SPAG16: variants seen among roughly 807,000 people sequenced by gnomAD.
SPAG16 encodes the protein sperm associated antigen 16.
SPAG16 carries 86 observed loss-of-function variants against 80.4 expected under a neutral mutation model. The ratio of observed to expected loss-of-function variants is 1.07; its 90% CI spans 0.90 to 1.28. The LOEUF is 1.28. SPAG16 is among the 50% of genes most tolerant of loss of function. The pLI is 0.00. For missense variants in SPAG16, 870 were observed against 765.3 expected (o/e 1.14, Z -1.61); for synonymous variants, 294 against 265.9 (o/e 1.11, Z -1.03).
intron 13 of SPAG16, among the ~76,000 whole-genome samples, chr2:214,022,685 G>A (rs149607067): frequency 6.7e-6 from 1 of 149,238 alleles, no homozygotes; most frequent in Non-Finnish European, 1.5e-5. Flanking sequence ...AACAATGGAG[G>A]GTGAAAAAGA....
chr2:213,602,620 G>A (rs185728763), intron 10 of SPAG16, among the ~76,000 whole-genome samples: 2 of 152,192 alleles, frequency 1.3e-5, no homozygotes, highest in African/African-American at 2.4e-5. Flanking sequence ...GCAACAGAGC[G>A]AGACTCCGTC....
intron 13 of SPAG16, among the ~76,000 whole-genome samples, chr2:214,034,056 A>AT (rs34044655): frequency 0.072 from 10,974 of 152,240 alleles, 642 homozygotes; most frequent in East Asian, 0.29. Flanking sequence ...TGATATTGAC[A>AT]TTTTGGAAAA....
intron 14 of SPAG16, among the ~76,000 whole-genome samples, chr2:214,121,547 A>G (rs1020013396): frequency 6.6e-6 from 1 of 151,888 alleles, no homozygotes; most frequent in African/African-American, 2.4e-5. Flanking sequence ...AAAATGAGTG[A>G]CAAAAGAACA....
intron 10 of SPAG16, among the ~76,000 whole-genome samples, chr2:213,560,951 C>A (rs1235364150): frequency 6.6e-6 from 1 of 152,176 alleles, no homozygotes; most frequent in Admixed American, 6.5e-5. Flanking sequence ...GCAACCTCTG[C>A]ATTCCAGGTT....
chr2:213,617,487 G>A (rs191810747), intron 10 of SPAG16, among the ~76,000 whole-genome samples: 49 of 152,152 alleles, frequency 3.2e-4, no homozygotes, highest in Admixed American at 1.2e-3. Flanking sequence ...GATTACAGGC[G>A]CCCACCACCA....
intron 9 of SPAG16, among the ~76,000 whole-genome samples, chr2:213,415,583 A>G (rs12473341): frequency 2.6e-5 from 4 of 152,056 alleles, no homozygotes; most frequent in African/African-American, 4.8e-5. Context: ...TTATGGGGCA[A>G]ATCTTCATGG....
chr2:213,896,341 G>A (rs879816652), intron 11 of SPAG16, among the ~76,000 whole-genome samples: 4 of 151,894 alleles, frequency 2.6e-5, no homozygotes, highest in Admixed American at 2.6e-4. Flanking sequence ...TTCTTATACT[G>A]TTGGTGGGAA....
chr2:214,004,783 T>C (rs1370103122), intron 12 of SPAG16, among the ~76,000 whole-genome samples: 1 of 152,058 alleles, frequency 6.6e-6, no homozygotes, highest in East Asian at 1.9e-4. Flanking sequence ...GAGAATTTCA[T>C]GTTCGCTGAC....
At chr2:213,475,914 A>G (rs2073349437) in intron 9 of SPAG16, among the ~76,000 whole-genome samples, 1 of 152,204 alleles carries the variant, frequency 6.6e-6, no homozygotes, top group East Asian at 1.9e-4. Context: ...TTTCAGGATT[A>G]TGTTGATTCC....
At chr2:214,147,080 G>A (rs540472507) in intron 14 of SPAG16, among the ~76,000 whole-genome samples, 5 of 151,992 alleles carry the variant, frequency 3.3e-5, no homozygotes, top group Non-Finnish European at 7.4e-5. Flanking sequence ...TAAGGCAATG[G>A]AAAAAGTCTA....
intron 9 of SPAG16, among the ~76,000 whole-genome samples, chr2:213,426,106 C>T (rs2069896764): frequency 6.6e-6 from 1 of 152,136 alleles, no homozygotes; most frequent in South Asian, 2.1e-4. Flanking sequence ...TGGCAGTTTT[C>T]ATTTTATGAA....
At chr2:214,092,661 A>G (rs752544553) in intron 13 of SPAG16, among the ~76,000 whole-genome samples, 3 of 152,038 alleles carry the variant, frequency 2.0e-5, no homozygotes, top group Non-Finnish European at 2.9e-5. Context: ...TTCATATTTT[A>G]TACTTCTGCC....
At chr2:213,475,321 T>C (rs2073313793) in intron 9 of SPAG16, among the ~76,000 whole-genome samples, 1 of 152,162 alleles carries the variant, frequency 6.6e-6, no homozygotes, top group Non-Finnish European at 1.5e-5. Flanking sequence ...TATAGGGGCA[T>C]GAGCAAGGCT....
intron 13 of SPAG16, among the ~76,000 whole-genome samples, chr2:214,073,687 G>T (rs912992552): frequency 6.6e-6 from 1 of 152,144 alleles, no homozygotes; most frequent in Middle Eastern, 3.2e-3. Flanking sequence ...TTTATAGAAA[G>T]ACAAGTGATT....
intron 13 of SPAG16, among the ~76,000 whole-genome samples, chr2:214,098,837 T>A (rs1342420917): frequency 5.3e-5 from 8 of 152,232 alleles, no homozygotes; most frequent in South Asian, 4.1e-4. Flanking sequence ...AGAGTTTACT[T>A]TGGATTGTGC....
intron 9 of SPAG16, among the ~76,000 whole-genome samples, chr2:213,450,727 T>C (rs2071633175): frequency 6.6e-6 from 1 of 152,212 alleles, no homozygotes; most frequent in South Asian, 2.1e-4. Context: ...AAAACTATTA[T>C]ATATTTGTTC....
At position 213,348,210 on chromosome 2, in the gene SPAG16, G is replaced by A. The variant is rs146586162; in HGVS notation, c.645-2318G>A. On this transcript the variant is annotated intron_variant, in intron 6 of 15. Transcript: ENST00000331683. ...ATCAGAGACTAGGATTGCAACCCCT[G>A]CTTTTTTTTGTTTTGCTTGGTAGAT... Among the ~76,000 whole-genome samples the A allele has an allele frequency of 7.1e-3, 1,074 of 152,106 alleles. 13 individuals carry two copies. Among genetic ancestry groups the A allele is most frequent in the African/African-American group, 0.025 (1,023 of 41,476 alleles).
intron 10 of SPAG16, among the ~76,000 whole-genome samples, chr2:213,781,877 G>A (rs2125584277): frequency 6.6e-6 from 1 of 152,230 alleles, no homozygotes; most frequent in South Asian, 2.1e-4. Context: ...TTAAATTACT[G>A]TTTAAGATCT....
At chr2:213,369,082 T>A (rs1178285168) in intron 8 of SPAG16, among the ~76,000 whole-genome samples, 1 of 152,144 alleles carries the variant, frequency 6.6e-6, no homozygotes, top group Non-Finnish European at 1.5e-5. Context: ...TTTTAAAGTG[T>A]GGAAACAATT....
Sources: gnomAD v4.1 joint callset for allele counts (sites outside exome capture counted in the v4.1 genomes callset) on GRCh38, gnomAD v4.1.1 for gene constraint, MANE v1.5 for transcripts, NCBI Gene and HGNC (gene_info 2026-07-23, HGNC 2026-07-21) for gene names.